Variants in LPP observed in about 807,000 individuals in gnomAD.
LPP encodes the protein lipoma-preferred partner.
LPP carries 38 observed loss-of-function variants against 60.4 expected under a neutral mutation model. That is an observed-to-expected ratio of 0.63 (90% CI 0.49 to 0.83). LPP has a LOEUF of 0.83. Among genes scored for constraint, LPP ranks in the 40% least tolerant of loss-of-function variants. LPP has a pLI of 0.00. For synonymous variants in LPP, 328 were observed against 290.8 expected, an observed-to-expected ratio of 1.13 and a Z score of -1.30; for missense variants, 902 against 783.6, an observed-to-expected ratio of 1.15 and a Z score of -1.80.
chr3:188,390,524 G>A (rs1170934766), intron 3 of LPP, among the ~76,000 whole-genome samples: 1 of 151,584 alleles, frequency 6.6e-6, no homozygotes, highest in East Asian at 1.9e-4. Flanking sequence ...TACAGGTGAG[G>A]AAATTAAGGC....
At position 188,281,601 on chromosome 3, in the gene LPP, C is replaced by CAAAAA. The variant is rs1167297915; in HGVS notation, c.-67+56091_-67+56095dup. The stretch of plus-strand genomic sequence containing the variant: ...TCTGGGCAACAGAGGAAGACTCTAC[C>CAAAAA]AAAAAAAAAAAAAAAAAAAAAGCTC... On this transcript the variant is annotated intron_variant, in intron 2 of 11. Transcript: ENST00000617246. Among the ~76,000 whole-genome samples, 320 of 66,384 alleles carry CAAAAA rather than the reference C, an allele frequency of 4.8e-3. 14 individuals are homozygous for CAAAAA. Among genetic ancestry groups the CAAAAA allele is most frequent in the Middle Eastern group, 0.031 (3 of 96 alleles). The allele number at this position is 66,384 out of a possible 152,430, so 43.6% of individuals were successfully genotyped here. A position where few individuals can be genotyped will look rare whatever the true frequency, so the allele number is the denominator to read the frequency against.
chr3:188,399,452 A>G (rs539311496), intron 3 of LPP, among the ~76,000 whole-genome samples: 1 of 152,354 alleles, frequency 6.6e-6, no homozygotes, highest in East Asian at 1.9e-4. Context: ...AGGGACATGA[A>G]TGCTAAACGT....
rs569525100 is a variant in LPP, at chr3:188,876,208, A to C, written c.*1729A>C. ...GGATACGTGTTTTGAATTGCAAACT[A>C]TTCCTCAGGAATTCCAATTAAATTT... On this transcript the variant is annotated 3_prime_UTR_variant, in exon 12 of 12. Coordinates refer to ENST00000617246, the MANE Select transcript of LPP (RefSeq NM_001375462.1). The C allele has an allele frequency of 5.4e-6, 1 of 186,676 alleles. No homozygotes were observed. The highest frequency in any genetic ancestry group is 2.0e-4 in the South Asian group (1 of 5,100). The allele number at this position is 186,676 out of a possible 1,614,324, so 11.6% of individuals were successfully genotyped here. A position where few individuals can be genotyped will look rare whatever the true frequency, so the allele number is the denominator to read the frequency against.
At chr3:188,198,654 C>T (rs1051917748) in intron 1 of LPP, among the ~76,000 whole-genome samples, 3 of 152,184 alleles carry the variant, frequency 2.0e-5, no homozygotes, top group East Asian at 1.9e-4. Context: ...GTAGACAGAG[C>T]GACTGGGGCT....
intron 9 of LPP, among the ~76,000 whole-genome samples, chr3:188,845,657 A>G (rs1296109732): frequency 6.6e-6 from 1 of 152,102 alleles, no homozygotes; most frequent in Non-Finnish European, 1.5e-5. Context: ...TACCCTTGAC[A>G]AGGAGAACAC....
intron 1 of LPP, among the ~76,000 whole-genome samples, chr3:188,220,066 G>A (rs755975521): frequency 3.9e-5 from 6 of 152,124 alleles, no homozygotes; most frequent in Non-Finnish European, 7.3e-5. Context: ...TTTGAATCCC[G>A]GCTGTGATAC....
chr3:188,235,921 G>A (rs894208998), intron 2 of LPP, among the ~76,000 whole-genome samples: 1 of 151,836 alleles, frequency 6.6e-6, no homozygotes, highest in Admixed American at 6.6e-5. Context: ...GATTGTAGAA[G>A]CTCCTTGAGG....
chr3:188,392,161 T>G (rs1779858277), intron 3 of LPP, among the ~76,000 whole-genome samples: 1 of 152,210 alleles, frequency 6.6e-6, no homozygotes, highest in South Asian at 2.1e-4. Context: ...TACGTTCTAT[T>G]ACATCTCTAC....
At chr3:188,459,634 C>G (rs1399269138) in intron 4 of LPP, among the ~76,000 whole-genome samples, 1 of 152,086 alleles carries the variant, frequency 6.6e-6, no homozygotes, top group Non-Finnish European at 1.5e-5. Flanking sequence ...AAATAATTCT[C>G]TATGTATGGT....
intron 7 of LPP, among the ~76,000 whole-genome samples, chr3:188,663,580 T>C (rs899057479): frequency 6.6e-6 from 1 of 152,174 alleles, no homozygotes; most frequent in African/African-American, 2.4e-5. Flanking sequence ...ACATGATATA[T>C]ATTATGCATA....
intron 5 of LPP, among the ~76,000 whole-genome samples, chr3:188,515,593 C>A (rs1380550173): frequency 1.3e-5 from 2 of 152,124 alleles, no homozygotes; most frequent in Non-Finnish European, 2.9e-5. Flanking sequence ...AGTTGTCAAG[C>A]CAGTATTGCA....
At chr3:188,549,657 G>T (rs1405548886) in intron 6 of LPP, among the ~76,000 whole-genome samples, 2 of 152,090 alleles carry the variant, frequency 1.3e-5, no homozygotes, top group African/African-American at 4.8e-5. Context: ...AGAAAAGAGT[G>T]ATAAACCCAA....
intron 4 of LPP, among the ~76,000 whole-genome samples, chr3:188,465,709 G>C (rs1579112622): frequency 6.6e-6 from 1 of 152,262 alleles, no homozygotes; most frequent in East Asian, 1.9e-4. Flanking sequence ...GGGAATGTGT[G>C]TATATTTACT....
intron 4 of LPP, among the ~76,000 whole-genome samples, chr3:188,468,751 A>G (rs1013783633): frequency 2.0e-5 from 3 of 152,178 alleles, no homozygotes; most frequent in Non-Finnish European, 2.9e-5. Context: ...TTGAATGCCA[A>G]AGCTGAGCTC....
intron 2 of LPP, among the ~76,000 whole-genome samples, chr3:188,269,593 A>G (rs1282626248): frequency 6.6e-6 from 1 of 151,864 alleles, no homozygotes; most frequent in Admixed American, 6.6e-5. Flanking sequence ...TTATATCAAG[A>G]AAGATGCCTA....
rs140044156 is a variant in LPP, at chr3:188,538,751, A to C, written c.429+13964A>C. Among the ~76,000 whole-genome samples, 6 of 152,352 alleles carry C rather than the reference A, an allele frequency of 3.9e-5. No homozygotes were observed. In the East Asian group the frequency reaches 1.2e-3, roughly 29 times the overall value. ...AGAGATGTTCATAGCAACATGATTC[A>C]TAACAGCCTAAAAGTGGGAACAACC... On this transcript the variant is annotated intron_variant, in intron 6 of 11. Transcript: ENST00000617246.
chr3:188,395,428 A>T (rs1327153863), intron 3 of LPP, among the ~76,000 whole-genome samples: 1 of 151,666 alleles, frequency 6.6e-6, no homozygotes, highest in Non-Finnish European at 1.5e-5. Flanking sequence ...CCAGAGACAC[A>T]TCTTGTTGTG....
chr3:188,747,145 T>C (rs1373056064), intron 8 of LPP, among the ~76,000 whole-genome samples: 3 of 152,162 alleles, frequency 2.0e-5, no homozygotes, highest in African/African-American at 7.2e-5. Context: ...CGCAAAACTT[T>C]CATTGGTCCA....
At chr3:188,778,429 G>T in intron 9 of LPP, among the ~76,000 whole-genome samples, 1 of 152,014 alleles carries the variant, frequency 6.6e-6, no homozygotes, top group East Asian at 1.9e-4. Context: ...GTGAAAATAG[G>T]GTCTTTTCTC....
Sources: allele counts gnomAD v4.1 joint callset (sites outside exome capture counted in the v4.1 genomes callset), GRCh38; gene constraint gnomAD v4.1.1; transcripts MANE v1.5; gene names NCBI Gene and HGNC (gene_info 2026-07-23, HGNC 2026-07-21).